GDPD5: variants seen among roughly 807,000 people sequenced by gnomAD.
GDPD5 encodes the protein glycerophosphodiester phosphodiesterase 2.
GDPD5 carries 48 observed loss-of-function variants against 75.1 expected under a neutral mutation model. That is an observed-to-expected ratio of 0.64 (90% CI 0.51 to 0.81). GDPD5 has a LOEUF of 0.81. GDPD5 is among the 40% of genes least tolerant of loss of function. GDPD5 has a pLI of 0.00. For missense variants in GDPD5, 706 were observed against 822.6 expected (o/e 0.86, Z 1.73); for synonymous variants, 336 against 339.0 (o/e 0.99, Z 0.10).
intron 6 of GDPD5, 140 bp from the exon 7 acceptor site, chr11:75,450,123 C>T: frequency 1.5e-6 from 1 of 653,640 alleles, no homozygotes; most frequent in South Asian, 1.9e-5. Flanking sequence ...AGGAAAGAGA[C>T]AGGCATGGGC....
chr11:75,459,140 A>G (rs749153981), intron 4 of GDPD5, among the ~76,000 whole-genome samples: 55 of 152,230 alleles, frequency 3.6e-4, no homozygotes, highest in Admixed American at 2.0e-3. Context: ...GATTTTTAAA[A>G]TAGCCACGTG....
At position 75,435,363 on chromosome 11, in the gene GDPD5, G is replaced by A. The variant is rs558866419; in HGVS notation, c.*144C>T. 1.4e-6 allele frequency: 1 copy of A among 696,826 alleles called. No homozygotes were observed. Among genetic ancestry groups the A allele is most frequent in the East Asian group, 2.8e-5 (1 of 36,164 alleles). The allele number at this position is 696,826 out of a possible 1,614,324, so 43.2% of individuals were successfully genotyped here. The stretch of plus-strand genomic sequence containing the variant: ...GAGACAGGGAGTCCCCCTCAAGAGA[G>A]GCTGCGGCTGACAAGGGGCTGGAGC... On this transcript the variant is annotated 3_prime_UTR_variant, in exon 17 of 17. Coordinates refer to ENST00000336898, the MANE Select transcript of GDPD5 (RefSeq NM_030792.8).
chr11:75,443,164 C>G lies in GDPD5; in HGVS notation c.920G>C (p.Arg307Thr). 1.9e-6 allele frequency: 3 copies of G among 1,604,814 alleles called. No individual in the cohort carries two copies. The highest frequency in any genetic ancestry group is 2.6e-6 in the Non-Finnish European group (3 of 1,175,840). Residue 307 changes from arginine (R) to threonine (T), a missense_variant, in exon 11 of 17, where the codon AGA (arginine) becomes ACA (threonine). Physicochemically the swap from Arg to Thr is moderately conservative, Grantham distance 71. Transcript: ENST00000336898. ...ASMLNWTTLQ[R>T]LNAGQWFLKT... is the part of the protein sequence containing the mutation. The stretch of plus-strand genomic sequence containing the variant: ...CAGGAACCACTGGCCAGCGTTGAGT[C>G]TCTGCAGGGTGGTCCAGTTAAGCAT...
intron 1 of GDPD5, among the ~76,000 whole-genome samples, chr11:75,511,113 G>T (rs1301580176): frequency 6.6e-6 from 1 of 152,230 alleles, no homozygotes; most frequent in Non-Finnish European, 1.5e-5. Context: ...AGATGTCTGA[G>T]ATATGTTCTT....
At position 75,439,823 on chromosome 11, in the gene GDPD5, G is replaced by A; in HGVS notation, c.1556+56C>T. Reference sequence around the variant, plus strand: ...GAGAGGGTTCACCTGGCTGGGGTGGGGGCTGGGCCTGCTGCAGGGTAGGGA... The same window carrying A: ...GAGAGGGTTCACCTGGCTGGGGTGGAGGCTGGGCCTGCTGCAGGGTAGGGA... On this transcript the variant is annotated intron_variant, in intron 15 of 16. Coordinates refer to ENST00000336898, the MANE Select transcript of GDPD5 (RefSeq NM_030792.8). The A allele has an allele frequency of 7.8e-6, 11 of 1,412,692 alleles. No homozygotes were observed. In the South Asian group the frequency reaches 1.1e-4, roughly 15 times the overall value. The allele number at this position is 1,412,692 out of a possible 1,614,324, so 87.5% of individuals were successfully genotyped here. A position where few individuals can be genotyped will look rare whatever the true frequency, so the allele number is the denominator to read the frequency against.
At chr11:75,511,780 C>T (rs1038960293) in intron 1 of GDPD5, among the ~76,000 whole-genome samples, 5 of 152,180 alleles carry the variant, frequency 3.3e-5, no homozygotes, top group Non-Finnish European at 7.4e-5. Context: ...AGCCTCCAAA[C>T]GTAGCGCAAA....
chr11:75,468,268 G>A (rs1949569871), intron 3 of GDPD5, among the ~76,000 whole-genome samples: 2 of 152,200 alleles, frequency 1.3e-5, no homozygotes, highest in Admixed American at 1.3e-4. Flanking sequence ...GAATGTTACA[G>A]AATTTCAGAA....
At chr11:75,498,551 G>A (rs1012993838) in intron 1 of GDPD5, among the ~76,000 whole-genome samples, 1 of 152,172 alleles carries the variant, frequency 6.6e-6, no homozygotes, top group Admixed American at 6.5e-5. Context: ...CTGGGAGGGA[G>A]AACTACAGCA....
chr11:75,443,072 C>G, intron 11 of GDPD5, 64 bp downstream of exon 11: 3 of 1,546,648 alleles, frequency 1.9e-6, no homozygotes, highest in Admixed American at 1.9e-5. Flanking sequence ...CCTTGCACCT[C>G]TCACTCCTTG....
At chr11:75,444,110 T>C (rs12292958) in intron 10 of GDPD5, among the ~76,000 whole-genome samples, 1,690 of 152,334 alleles carry the variant, frequency 0.011, 32 homozygotes, top group African/African-American at 0.039. Flanking sequence ...GGAGTCACAG[T>C]GAATGTATCA....
intron 2 of GDPD5, among the ~76,000 whole-genome samples, chr11:75,479,957 T>A: frequency 6.6e-6 from 1 of 152,376 alleles, no homozygotes; most frequent in African/African-American, 2.4e-5. Flanking sequence ...GATCAGCTGA[T>A]GGACATATGG....
intron 4 of GDPD5, among the ~76,000 whole-genome samples, chr11:75,459,807 CAAAAA>C (rs767929482): frequency 1.3e-5 from 1 of 75,652 alleles, no homozygotes; most frequent in Admixed American, 1.4e-4. Flanking sequence ...GAGACTGTCT[CAAAAA>C]AAAAAAAAAA....
At chr11:75,486,255 C>G (rs1950020316) in intron 2 of GDPD5, among the ~76,000 whole-genome samples, 1 of 152,172 alleles carries the variant, frequency 6.6e-6, no homozygotes, top group Admixed American at 6.5e-5. Flanking sequence ...GGGGAAGAGC[C>G]CCCTCTGCTC....
In GDPD5 at chr11:75,457,780, G is replaced by C. The variant is rs767396628; in HGVS notation, c.228C>G (p.Leu76=). The C allele has an allele frequency of 1.9e-6, 3 of 1,613,774 alleles. No homozygotes were observed. In the African/African-American group the frequency reaches 4.0e-5, roughly 22 times the overall value. Residue 76 remains leucine, a synonymous_variant, in exon 5 of 17, where the codon CTC becomes CTG. Coordinates refer to ENST00000336898, the MANE Select transcript of GDPD5 (RefSeq NM_030792.8). ...HNDYDEFNWY[L]YNRMGYWSDW... ...CGCTCCAGTAGCCCATGCGGTTGTA[G>C]AGGTACCTGCCAGGAGGAGAGGGGG...
intron 1 of GDPD5, among the ~76,000 whole-genome samples, chr11:75,492,804 C>A (rs1950133480): frequency 6.6e-6 from 1 of 152,158 alleles, no homozygotes; most frequent in South Asian, 2.1e-4. Flanking sequence ...GTAATCTTGG[C>A]TTGCTGCAAC....
intron 1 of GDPD5, among the ~76,000 whole-genome samples, chr11:75,501,616 G>A (rs532817462): frequency 1.4e-4 from 22 of 152,324 alleles, no homozygotes; most frequent in African/African-American, 5.3e-4. Context: ...TCAGGGAGAC[G>A]TGGCAACAGC....
At chr11:75,501,602 G>A (rs573411240) in intron 1 of GDPD5, among the ~76,000 whole-genome samples, 1 of 152,192 alleles carries the variant, frequency 6.6e-6, no homozygotes, top group South Asian at 2.1e-4. Context: ...TCCAGAGCAG[G>A]GGCTCAGGGA....
At chr11:75,464,033 G>A (rs1223767527) in intron 3 of GDPD5, among the ~76,000 whole-genome samples, 1 of 152,236 alleles carries the variant, frequency 6.6e-6, no homozygotes, top group Non-Finnish European at 1.5e-5. Context: ...CCTGCTCACT[G>A]TGTCCCCCAG....
rs958479054 is a variant in GDPD5, at chr11:75,507,367, G to A, written c.-144-17047C>T. ...TTTGCTGTAGGCCACAGCTTCCTGG[G>A]ACCACTTCTTCCAACATCCTCATTT... On this transcript the variant is annotated intron_variant, in intron 1 of 16. Coordinates refer to ENST00000336898, the MANE Select transcript of GDPD5 (RefSeq NM_030792.8). Among the ~76,000 whole-genome samples the A allele has an allele frequency of 2.6e-5, 4 of 152,204 alleles. No homozygotes were observed. The South Asian group carries it at 8.3e-4, about 32-fold the overall frequency.
Sources: allele counts gnomAD v4.1 joint callset (sites outside exome capture counted in the v4.1 genomes callset), GRCh38; gene constraint gnomAD v4.1.1; transcripts MANE v1.5; gene names NCBI Gene and HGNC (gene_info 2026-07-23, HGNC 2026-07-21).